The following NMNAT3 variants were observed in gnomAD, a reference collection of about 807,000 sequenced individuals.
NMNAT3 encodes nicotinamide nucleotide adenylyltransferase 3, also known as nicotinamide/nicotinic acid mononucleotide adenylyltransferase 3.
Under a neutral mutation model 24.8 loss-of-function variants are expected in NMNAT3, and 21 were observed. The observed-to-expected ratio is 0.85, with a 90% CI of 0.60 to 1.22. The LOEUF (loss-of-function observed/expected upper bound fraction) is 1.22, where lower values mean the gene tolerates loss of function less well. Among genes scored for constraint, NMNAT3 ranks in the 50% most tolerant of loss-of-function variants. The pLI is 0.00. For synonymous variants in NMNAT3, 136 were observed against 155.2 expected (o/e 0.88, Z 0.92); for missense variants, 387 against 436.6 (o/e 0.89, Z 1.01).
intron 1 of NMNAT3, among the ~76,000 whole-genome samples, chr3:139,673,552 AC>A (rs2057826266): frequency 6.6e-6 from 1 of 152,120 alleles, no homozygotes; most frequent in Non-Finnish European, 1.5e-5. Flanking sequence ...AGTGATACTG[AC>A]TATATTTCTC....
chr3:139,664,950 T>TA (rs1251246580), intron 1 of NMNAT3, among the ~76,000 whole-genome samples: 1 of 152,232 alleles, frequency 6.6e-6, no homozygotes, highest in African/African-American at 2.4e-5. Flanking sequence ...GATTTAAGAA[T>TA]ACTTCCTTGA....
At chr3:139,565,162 A>G (rs35487059) in intron 6 of NMNAT3, among the ~76,000 whole-genome samples, 20,459 of 152,152 alleles carry the variant, frequency 0.13, 1,886 homozygotes, top group Non-Finnish European at 0.21. Flanking sequence ...CTTTATATTT[A>G]AACATTGATA....
rs1210677870 is a variant in NMNAT3, at chr3:139,613,114, A to C, written c.109+14502T>G. Among the ~76,000 whole-genome samples, 11 of 152,200 alleles carry C rather than the reference A, an allele frequency of 7.2e-5. No individual in the cohort carries two copies. The East Asian group carries it at 1.9e-3, about 27-fold the overall frequency. On this transcript the variant is annotated intron_variant, in intron 3 of 6. Transcript: ENST00000643695. ...CTAAAACACCAAAAGCAATGGCAAC[A>C]AAAGCAAAAATTGACAAATGGGATC...
At chr3:139,576,556 T>A (rs1939339480) in intron 5 of NMNAT3, among the ~76,000 whole-genome samples, 1 of 152,154 alleles carries the variant, frequency 6.6e-6, no homozygotes, top group Non-Finnish European at 1.5e-5. Context: ...CTGGTTTGGA[T>A]GCATCTTGGT....
intron 3 of NMNAT3, among the ~76,000 whole-genome samples, chr3:139,616,058 A>G (rs138337102): frequency 2.6e-5 from 4 of 152,168 alleles, no homozygotes; most frequent in Non-Finnish European, 4.4e-5. Flanking sequence ...AGCCACCTCT[A>G]TCTCCTCTTC....
At chr3:139,660,095 G>C (rs886496154) in intron 1 of NMNAT3, among the ~76,000 whole-genome samples, 7 of 152,138 alleles carry the variant, frequency 4.6e-5, no homozygotes, top group African/African-American at 1.7e-4. Flanking sequence ...CCACTACTGT[G>C]GTACCACTCC....
At chr3:139,574,859 G>A (rs1939057802) in intron 5 of NMNAT3, among the ~76,000 whole-genome samples, 1 of 152,144 alleles carries the variant, frequency 6.6e-6, no homozygotes, top group Admixed American at 6.5e-5. Context: ...GATTATAATT[G>A]GGAGGCAGCT....
At chr3:139,592,080 A>T (rs2054218299) in intron 3 of NMNAT3, among the ~76,000 whole-genome samples, 2 of 152,208 alleles carry the variant, frequency 1.3e-5, no homozygotes, top group Non-Finnish European at 1.5e-5. Context: ...AAAAAAATTT[A>T]GAAGAATGTA....
intron 3 of NMNAT3, among the ~76,000 whole-genome samples, chr3:139,625,670 C>A (rs1027082937): frequency 6.6e-6 from 1 of 152,082 alleles, no homozygotes; most frequent in Admixed American, 6.6e-5. Context: ...TTTATTTAAA[C>A]TGTTAATTAC....
rs1414152770 is a variant in NMNAT3, at chr3:139,575,334, G to C, written c.576-1654C>G. On this transcript the variant is annotated intron_variant, in intron 5 of 6. Transcript: ENST00000643695. ...TTTGATTTTGGTAAACTTTATTTCT[G>C]AGGATTCACCCTTGGATTGGCATGG... 2.0e-5 allele frequency among the ~76,000 whole-genome samples: 3 copies of C among 152,100 alleles called. No homozygotes were observed. In the East Asian group the frequency reaches 5.8e-4, roughly 29 times the overall value.
intron 5 of NMNAT3, chr3:139,575,621 T>G (rs1157875780): frequency 9.9e-7 from 1 of 1,011,982 alleles, no homozygotes; most frequent in African/African-American, 1.7e-5. Flanking sequence ...ACTTTGAATA[T>G]TAGCTGGATC....
intron 1 of NMNAT3, among the ~76,000 whole-genome samples, chr3:139,671,324 T>C (rs1039559931): frequency 2.0e-5 from 3 of 152,194 alleles, no homozygotes; most frequent in Non-Finnish European, 2.9e-5. Flanking sequence ...AAGTACTACA[T>C]AATACTCCAT....
intron 6 of NMNAT3, chr3:139,569,086 C>T (rs1426349034): frequency 6.6e-6 from 1 of 152,202 alleles, no homozygotes; most frequent in Non-Finnish European, 1.5e-5. Context: ...GATCCCTTTA[C>T]CATGATGTAA....
chr3:139,586,722 T>A (rs1486158148), intron 3 of NMNAT3, among the ~76,000 whole-genome samples: 3 of 152,188 alleles, frequency 2.0e-5, no homozygotes, highest in Admixed American at 2.0e-4. Context: ...GTTCCAAAAG[T>A]TACTCTTAAA....
At chr3:139,573,570 T>G in intron 6 of NMNAT3, 28 bp downstream of exon 6, 1 of 1,406,132 alleles carries the variant, frequency 7.1e-7, no homozygotes, top group Non-Finnish European at 9.8e-7. Context: ...CATCTCATTC[T>G]CCTACAGACA....
chr3:139,653,340 A>T (rs921202907), intron 1 of NMNAT3, among the ~76,000 whole-genome samples: 10 of 151,706 alleles, frequency 6.6e-5, no homozygotes, highest in South Asian at 4.2e-4. Context: ...CCCATAATTT[A>T]AAAAAAAACT....
intron 1 of NMNAT3, among the ~76,000 whole-genome samples, chr3:139,642,986 A>G (rs746066160): frequency 4.4e-4 from 67 of 152,168 alleles, no homozygotes; most frequent in Non-Finnish European, 7.5e-4. Context: ...CTCAGCCTAT[A>G]TAAGGCTGTC....
chr3:139,596,032 A>C (rs888885065), intron 3 of NMNAT3, among the ~76,000 whole-genome samples: 14 of 152,048 alleles, frequency 9.2e-5, no homozygotes, highest in African/African-American at 2.9e-4. Flanking sequence ...GCAACCTACA[A>C]AATTTTATAT....
chr3:139,591,791 A>T (rs2054198548), intron 3 of NMNAT3, among the ~76,000 whole-genome samples: 2 of 152,282 alleles, frequency 1.3e-5, no homozygotes, highest in Non-Finnish European at 2.9e-5. Flanking sequence ...ACAAACAGAA[A>T]GGACATCCAC....
Sources: allele counts gnomAD v4.1 joint callset (sites outside exome capture counted in the v4.1 genomes callset), GRCh38; gene constraint gnomAD v4.1.1; transcripts MANE v1.5; gene names NCBI Gene and HGNC (gene_info 2026-07-23, HGNC 2026-07-21).